The following PLCE1 variants were observed in gnomAD, a reference collection of about 807,000 sequenced individuals.
The protein encoded by PLCE1 is 1-phosphatidylinositol 4,5-bisphosphate phosphodiesterase epsilon-1.
In PLCE1, 119 loss-of-function variants were observed where a neutral mutation model predicts 242.8. That is an observed-to-expected ratio of 0.49 (90% CI 0.42 to 0.57). PLCE1 has a LOEUF of 0.57. Ranked by LOEUF, PLCE1 falls within the 20% of genes least tolerant of loss-of-function variation. The pLI, the probability that PLCE1 is intolerant of heterozygous loss-of-function variation, is 0.00. For missense variants in PLCE1, 2,441 were observed against 2,788.8 expected, an observed-to-expected ratio of 0.88 and a Z score of 2.81; for synonymous variants, 945 against 1,017.4, an observed-to-expected ratio of 0.93 and a Z score of 1.35.
At chr10:94,038,372 C>A (rs571647021) in intron 2 of PLCE1, among the ~76,000 whole-genome samples, 6 of 152,264 alleles carry the variant, frequency 3.9e-5, no homozygotes, top group South Asian at 2.1e-4. Flanking sequence ...CCATGACAAC[C>A]AAATGGTGCC....
At chr10:94,275,338 G>C (rs1564852065) in intron 19 of PLCE1, among the ~76,000 whole-genome samples, 2 of 152,046 alleles carry the variant, frequency 1.3e-5, no homozygotes, top group Admixed American at 6.5e-5. Flanking sequence ...GGATATGGTT[G>C]CTAAGACTCT....
chr10:94,227,156 C>A, intron 4 of PLCE1, 150 bp from the exon 5 acceptor site: 1 of 708,176 alleles, frequency 1.4e-6, no homozygotes, highest in South Asian at 1.6e-5. Context: ...GGATTACAGG[C>A]GTGAACCACC....
chr10:94,265,526 A>G, intron 14 of PLCE1, 121 bp from the exon 15 acceptor site: 1 of 859,866 alleles, frequency 1.2e-6, no homozygotes, highest in Non-Finnish European at 1.9e-6. Flanking sequence ...AATTAGTTCA[A>G]ATATTTGGTT....
chr10:94,182,201 C>G (rs535461920), intron 4 of PLCE1, among the ~76,000 whole-genome samples: 1 of 151,182 alleles, frequency 6.6e-6, no homozygotes, highest in South Asian at 2.1e-4. Context: ...AGTGCAGATA[C>G]TTGAGAATTG....
chr10:94,071,110 G>A (rs2044339427), intron 2 of PLCE1, among the ~76,000 whole-genome samples: 2 of 152,152 alleles, frequency 1.3e-5, no homozygotes, highest in African/African-American at 4.8e-5. Flanking sequence ...AAGTGCTGCG[G>A]CTGAGCCCTG....
intron 2 of PLCE1, among the ~76,000 whole-genome samples, chr10:94,038,851 AC>A (rs146137673): frequency 3.3e-5 from 5 of 152,228 alleles, no homozygotes; most frequent in South Asian, 2.1e-4. Context: ...TCAAAAAGCA[AC>A]CCTGTTTCTT....
intron 28 of PLCE1, among the ~76,000 whole-genome samples, chr10:94,315,967 G>C (rs1044758367): frequency 2.0e-5 from 3 of 151,928 alleles, no homozygotes; most frequent in African/African-American, 7.3e-5. Context: ...ATTAAAGGCA[G>C]ACCTCAGACT....
At chr10:94,325,704 A>G (rs2053989957) in intron 32 of PLCE1, 1 of 152,286 alleles carries the variant, frequency 6.6e-6, no homozygotes, top group Admixed American at 6.5e-5. Flanking sequence ...CAAGAAGTCA[A>G]TCAACTTGCC....
chr10:94,110,038 CTTTCCT>C (rs2045895006), intron 2 of PLCE1, among the ~76,000 whole-genome samples: 1 of 137,840 alleles, frequency 7.3e-6, no homozygotes, highest in South Asian at 2.4e-4. Flanking sequence ...AGGATAGACC[CTTTCCT>C]TTTTTTCTTT....
chr10:94,135,080 T>A (rs2046726173), intron 3 of PLCE1, among the ~76,000 whole-genome samples: 1 of 152,162 alleles, frequency 6.6e-6, no homozygotes. Context: ...TTAAACATAT[T>A]CCTTTAACAT....
At chr10:94,262,917 G>C (rs2051358769) in intron 14 of PLCE1, among the ~76,000 whole-genome samples, 185 bp downstream of exon 14, 1 of 151,726 alleles carries the variant, frequency 6.6e-6, no homozygotes, top group South Asian at 2.1e-4. Context: ...CTGTGGCCAG[G>C]CTGGAGTGCA....
intron 4 of PLCE1, among the ~76,000 whole-genome samples, chr10:94,215,628 A>C (rs2049493710): frequency 6.6e-6 from 1 of 152,164 alleles, no homozygotes; most frequent in Admixed American, 6.5e-5. Flanking sequence ...TCCAGGTAAG[A>C]ATGTCCAGTT....
At chr10:93,996,175 A>G (rs978251677) in intron 1 of PLCE1, among the ~76,000 whole-genome samples, 8 of 152,204 alleles carry the variant, frequency 5.3e-5, no homozygotes, top group Non-Finnish European at 1.0e-4. Context: ...ACAGGCGCCT[A>G]TATAGGACAG....
chr10:94,111,011 G>A (rs1392228846), intron 2 of PLCE1, among the ~76,000 whole-genome samples: 2 of 152,194 alleles, frequency 1.3e-5, no homozygotes, highest in East Asian at 3.8e-4. Flanking sequence ...CCTGGTGTGG[G>A]TGGTCGTGAT....
intron 2 of PLCE1, chr10:94,089,202 G>T: frequency 6.2e-7 from 1 of 1,614,034 alleles, no homozygotes; most frequent in Admixed American, 1.7e-5. Context: ...ACCAGGCTTG[G>T]TTTCTGTGCA....
chr10:94,319,199 T>G (rs2053685945), intron 29 of PLCE1, among the ~76,000 whole-genome samples: 1 of 152,228 alleles, frequency 6.6e-6, no homozygotes, highest in South Asian at 2.1e-4. Flanking sequence ...ATATGGCAAG[T>G]TGTCCTTTAT....
At chr10:94,052,854 A>G (rs1437189162) in intron 2 of PLCE1, among the ~76,000 whole-genome samples, 3 of 152,064 alleles carry the variant, frequency 2.0e-5, no homozygotes, top group Non-Finnish European at 4.4e-5. Context: ...GCTTCATATT[A>G]TTTCCCCATG....
intron 9 of PLCE1, among the ~76,000 whole-genome samples, chr10:94,253,563 C>T (rs1364420246): frequency 6.6e-6 from 1 of 152,086 alleles, no homozygotes; most frequent in Non-Finnish European, 1.5e-5. Context: ...CTATGTTGCC[C>T]AGGCTGGTCT....
chr10:94,224,305 A>G (rs1281084957), intron 4 of PLCE1, among the ~76,000 whole-genome samples: 1 of 152,240 alleles, frequency 6.6e-6, no homozygotes, highest in African/African-American at 2.4e-5. Flanking sequence ...CTGATAGGAA[A>G]TAAATCTGGA....
Sources: allele counts gnomAD v4.1 joint callset (sites outside exome capture counted in the v4.1 genomes callset), GRCh38; gene constraint gnomAD v4.1.1; transcripts MANE v1.5; gene names NCBI Gene and HGNC (gene_info 2026-07-23, HGNC 2026-07-21).